MAML1: variants seen among roughly 807,000 people sequenced by gnomAD.
MAML1 encodes the protein mastermind like transcriptional coactivator 1.
In MAML1, 14 loss-of-function variants were observed where a neutral mutation model predicts 77.1. That is an observed-to-expected ratio of 0.18 (90% CI 0.12 to 0.28). The LOEUF is 0.28. Ranked by LOEUF, MAML1 falls within the 10% of genes least tolerant of loss-of-function variation. The probability of loss-of-function intolerance (pLI) is 1.00; values close to 1 mark genes in which losing one functional copy is unlikely to be tolerated. For synonymous variants in MAML1, 516 were observed against 551.9 expected (o/e 0.93, Z 0.91); for missense variants, 1,217 against 1,327.8 (o/e 0.92, Z 1.30).
rs141579564 is a variant in MAML1 at position 179,766,666 on chromosome 5, C to T, written c.1656C>T (p.His552=). Residue 552 remains histidine (H), a synonymous_variant, in exon 2 of 5, where the codon CAC becomes CAT. Coordinates refer to ENST00000292599, the MANE Select transcript of MAML1 (RefSeq NM_014757.5). This position sits in a 1 kb window ranked among gnomAD's most constrained non-coding sequence, Gnocchi z 4.0. ...CCCAGCAGCTGTCCCATATAAGTCA[C>T]GAGCAGAACTCCCTGTTTCTGATGA... is the stretch of plus-strand genomic sequence containing the variant. ...YLPQQLSHIS[H]EQNSLFLMKP... is the part of the protein sequence containing the mutation. 139 of 1,605,902 alleles carry T rather than the reference C, an allele frequency of 8.7e-5. 1 individual carries two copies. The highest frequency in any genetic ancestry group is 1.4e-4 in the Admixed American group (8 of 58,546).
At chr5:179,773,662 T>A in intron 4 of MAML1, 2 of 817,142 alleles carry the variant, frequency 2.4e-6, no homozygotes, top group Non-Finnish European at 3.0e-6. Flanking sequence ...ATGAAGTAGG[T>A]CACTGGTTTT....
intron 1 of MAML1, among the ~76,000 whole-genome samples, chr5:179,749,222 G>C (rs1428097562): frequency 3.3e-5 from 5 of 152,120 alleles, no homozygotes; most frequent in Admixed American, 6.6e-5. Flanking sequence ...CCGCCTCTGG[G>C]TTCAAGCGAT....
chr5:179,752,442 A>C (rs72809798), intron 1 of MAML1, among the ~76,000 whole-genome samples: 1 of 148,036 alleles, frequency 6.8e-6, no homozygotes, highest in African/African-American at 2.5e-5. Flanking sequence ...GTTCATATAT[A>C]TTGGGTTAAA....
At chr5:179,756,430 G>A (rs1309061407) in intron 1 of MAML1, among the ~76,000 whole-genome samples, 14 of 125,048 alleles carry the variant, frequency 1.1e-4, no homozygotes, top group Non-Finnish European at 1.8e-4. Context: ...GCGGGACTCT[G>A]TCTCAAAAAA....
rs1320220009 is a variant in MAML1 at position 179,775,513 on chromosome 5, C to G, written c.*636C>G. The G allele has an allele frequency of 2.0e-6, 2 of 985,226 alleles. No individual in the cohort carries two copies. Among genetic ancestry groups the G allele is most frequent in the Non-Finnish European group, 1.2e-6 (1 of 829,936 alleles). 61.0% of individuals were successfully genotyped at this position (985,226 alleles called of 1,614,324 possible). ...TATTTCCCTAAGTGCAGGCTGTTGA[C>G]TGCGTATGCCAAAAAGGGACAGGAG... On this transcript the variant is annotated 3_prime_UTR_variant, in exon 5 of 5. Transcript: ENST00000292599.
chr5:179,762,828 A>G (rs539879261), intron 1 of MAML1, among the ~76,000 whole-genome samples: 1 of 151,844 alleles, frequency 6.6e-6, no homozygotes, highest in Non-Finnish European at 1.5e-5. Context: ...CACATTACAC[A>G]CTCCTATCCC....
In MAML1 at chr5:179,769,139, C is replaced by G. The variant is rs200777278; in HGVS notation, c.1971+50C>G. The G allele has an allele frequency of 6.2e-7, 1 of 1,604,070 alleles. No individual in the cohort carries two copies. The highest frequency in any genetic ancestry group is 8.5e-7 in the Non-Finnish European group (1 of 1,174,312). ...CACCGCTTCCCACCTTTGCCTGCAC[C>G]CTGCGTCACTGCTACAGTCACACCT... On this transcript the variant is annotated intron_variant, in intron 3 of 4. Transcript: ENST00000292599. The surrounding 1 kb of genome is among the most constrained non-coding windows in gnomAD (Gnocchi z 4.2).
chr5:179,766,769 C>T lies in MAML1; in HGVS notation c.1731+28C>T. The T allele has an allele frequency of 6.7e-7, 1 of 1,499,678 alleles. No homozygotes were observed. The highest frequency in any genetic ancestry group is 8.9e-7 in the Non-Finnish European group (1 of 1,119,010). The allele number at this position is 1,499,678 out of a possible 1,614,324, so 92.9% of individuals were successfully genotyped here. On this transcript the variant is annotated intron_variant, in intron 2 of 4. Coordinates refer to ENST00000292599, the MANE Select transcript of MAML1 (RefSeq NM_014757.5). This position sits in a 1 kb window ranked among gnomAD's most constrained non-coding sequence, Gnocchi z 4.0. ...AAGTATGAGCCTTTGCTTTCTGTTC[C>T]TCTGCTGCAGACACTTCAGTGAGGT...
chr5:179,768,666 C>T (rs558940258), intron 2 of MAML1, among the ~76,000 whole-genome samples, 184 bp from the exon 3 acceptor site: 8 of 152,292 alleles, frequency 5.3e-5, no homozygotes, highest in Non-Finnish European at 8.8e-5. Flanking sequence ...CGTTGCTAGG[C>T]GCCTGTATGC....
intron 1 of MAML1, among the ~76,000 whole-genome samples, chr5:179,753,607 T>TC (rs963561569): frequency 1.3e-5 from 2 of 149,834 alleles, no homozygotes; most frequent in Non-Finnish European, 3.0e-5. Flanking sequence ...ATGAGATGAA[T>TC]CGGGGGGGAG....
At position 179,771,952 on chromosome 5, in the gene MAML1, G is replaced by A. The variant is rs1162452947; in HGVS notation, c.2068+709G>A. On this transcript the variant is annotated intron_variant, in intron 4 of 4. Transcript: ENST00000292599. This position sits in a 1 kb window ranked among gnomAD's most constrained non-coding sequence, Gnocchi z 4.7. Reference sequence around the variant, plus strand: ...GTGTGTCCTGGAGGAGACCAGGTACGGTTTTATGTATGTGCTACCTGGGGT... The same window carrying A: ...GTGTGTCCTGGAGGAGACCAGGTACAGTTTTATGTATGTGCTACCTGGGGT... Among the ~76,000 whole-genome samples, 1 of 152,186 alleles carries A rather than the reference G, an allele frequency of 6.6e-6. No individual in the cohort carries two copies. The highest frequency in any genetic ancestry group is 2.1e-4 in the South Asian group (1 of 4,832).
chr5:179,734,975 C>T (rs936392570), intron 1 of MAML1, among the ~76,000 whole-genome samples: 10 of 152,254 alleles, frequency 6.6e-5, no homozygotes, highest in African/African-American at 2.2e-4. Flanking sequence ...CGCACCGTGC[C>T]GCCCCCAGGA....
intron 1 of MAML1, among the ~76,000 whole-genome samples, chr5:179,745,752 G>A (rs189561415): frequency 2.8e-3 from 421 of 150,834 alleles, no homozygotes; most frequent in Non-Finnish European, 4.4e-3. Context: ...CCCAGGTACT[G>A]AGGAGGCTGA....
intron 1 of MAML1, among the ~76,000 whole-genome samples, chr5:179,753,559 CGAA>C (rs1779546967): frequency 6.6e-6 from 1 of 150,866 alleles, no homozygotes; most frequent in East Asian, 1.9e-4. Context: ...ATTGATGCCT[CGAA>C]GAAAGCGAAT....
rs775955050 is a variant in MAML1 at position 179,775,270 on chromosome 5, AAG to A, written c.*394_*395del. 6.5e-4 allele frequency: 654 copies of A among 1,003,356 alleles called. 2 individuals are homozygous for A. Among genetic ancestry groups the A allele is most frequent in the Non-Finnish European group, 7.6e-4 (639 of 842,564 alleles). The allele number at this position is 1,003,356 out of a possible 1,614,324, so 62.2% of individuals were successfully genotyped here. The stretch of plus-strand genomic sequence containing the variant: ...CTCCACTTACCCCAGTGCTGGGGAC[AAG>A]TTTCTGTTGAAACTTTAGATAGCAG... On this transcript the variant is annotated 3_prime_UTR_variant, in exon 5 of 5. Coordinates refer to ENST00000292599, the MANE Select transcript of MAML1 (RefSeq NM_014757.5).
intron 1 of MAML1, among the ~76,000 whole-genome samples, chr5:179,740,631 G>C (rs547339959): frequency 8.5e-5 from 13 of 152,164 alleles, no homozygotes; most frequent in Middle Eastern, 3.4e-3. Context: ...CCTGGGGTTG[G>C]TGTGGATAGG....
intron 1 of MAML1, among the ~76,000 whole-genome samples, chr5:179,743,587 G>A (rs541383381): frequency 6.0e-5 from 9 of 150,456 alleles, no homozygotes; most frequent in Non-Finnish European, 8.9e-5. Context: ...AGCCAGCCTC[G>A]ATCTCCTAAC....
In MAML1 at chr5:179,732,851, G is replaced by C. The variant is rs1386298889; in HGVS notation, c.-262G>C. 1.7e-5 allele frequency: 4 copies of C among 233,144 alleles called. No homozygotes were observed. In the East Asian group the frequency reaches 3.6e-4, roughly 21 times the overall value. 14.4% of individuals were successfully genotyped at this position (233,144 alleles called of 1,614,324 possible). A position where few individuals can be genotyped will look rare whatever the true frequency, so the allele number is the denominator to read the frequency against. ...GGCCCGAAAACAATTTTAAGATGGC[G>C]GCCGCGGCGGTAGCGCGGAAAACAA... On this transcript the variant is annotated 5_prime_UTR_variant, in exon 1 of 5. Transcript: ENST00000292599.
chr5:179,745,891 G>C (rs989479870), intron 1 of MAML1, among the ~76,000 whole-genome samples: 16 of 146,330 alleles, frequency 1.1e-4, no homozygotes, highest in South Asian at 8.6e-4. Flanking sequence ...AAAATTAGCC[G>C]GGCGTGGTGG....
Sources: allele counts gnomAD v4.1 joint callset (sites outside exome capture counted in the v4.1 genomes callset), GRCh38; gene constraint gnomAD v4.1.1; non-coding constraint Gnocchi (gnomAD v3.1); transcripts MANE v1.5; gene names NCBI Gene and HGNC (gene_info 2026-07-23, HGNC 2026-07-21).